FBXL19: variants seen among roughly 807,000 people sequenced by gnomAD.
The protein encoded by FBXL19 is F-box and leucine rich repeat protein 19, also known as F-box/LRR-repeat protein 19.
A neutral mutation model predicts 71.2 loss-of-function variants in FBXL19; 16 were observed. The ratio of observed to expected loss-of-function variants is 0.22; its 90% CI spans 0.15 to 0.34. The LOEUF is 0.34. Among genes scored for constraint, FBXL19 ranks in the 10% least tolerant of loss-of-function variants. The pLI, the probability that FBXL19 is intolerant of heterozygous loss-of-function variation, is 1.00. For missense variants in FBXL19, 658 were observed against 968.2 expected, an observed-to-expected ratio of 0.68 and a Z score of 4.25; for synonymous variants, 447 against 409.4, an observed-to-expected ratio of 1.09 and a Z score of -1.11.
At chr16:30,926,051 C>T in intron 2 of FBXL19, 120 bp downstream of exon 2, 4 of 1,333,356 alleles carry the variant, frequency 3.0e-6, no homozygotes, top group Non-Finnish European at 2.9e-6. Flanking sequence ...TTCATTTCTT[C>T]CCTTCATTCA....
At chr16:30,939,100 C>G (rs528438675) in intron 7 of FBXL19, among the ~76,000 whole-genome samples, 1 of 152,094 alleles carries the variant, frequency 6.6e-6, no homozygotes, top group East Asian at 1.9e-4. Flanking sequence ...GAGACAGAGT[C>G]TCGCTCTGTC....
chr16:30,928,087 G>A (rs2055620124), intron 5 of FBXL19, 124 bp downstream of exon 5: 3 of 667,970 alleles, frequency 4.5e-6, no homozygotes, highest in Admixed American at 6.8e-5. Flanking sequence ...GGACTGTTGG[G>A]AGATGTAGTT....
At chr16:30,939,052 G>GT (rs2055769504) in intron 7 of FBXL19, among the ~76,000 whole-genome samples, 1 of 151,882 alleles carries the variant, frequency 6.6e-6, no homozygotes, top group South Asian at 2.1e-4. Context: ...AATAACTCTG[G>GT]TCTTTTTTGT....
rs1015268692 is a variant in FBXL19 at position 30,947,916 on chromosome 16, G to C, written c.*686G>C. 1 of 453,872 alleles carries C rather than the reference G, an allele frequency of 2.2e-6. No homozygotes were observed. Among genetic ancestry groups the C allele is most frequent in the Non-Finnish European group, 4.4e-6 (1 of 225,622 alleles). The allele number at this position is 453,872 out of a possible 1,614,324, so 28.1% of individuals were successfully genotyped here. ...GAAAACGGCAGCTATTGCAAGGAGTGGGGGCCGCGGGCAGCCGCTCTTCAG... is the reference window on the plus strand; with the variant it reads ...GAAAACGGCAGCTATTGCAAGGAGTCGGGGCCGCGGGCAGCCGCTCTTCAG... On this transcript the variant is annotated 3_prime_UTR_variant, in exon 11 of 11. Transcript: ENST00000338343.
chr16:30,927,847 C>G lies in FBXL19; in HGVS notation c.511C>G (p.Pro171Ala). 1 of 1,542,980 alleles carries G rather than the reference C, an allele frequency of 6.5e-7. No individual in the cohort carries two copies. The highest frequency in any genetic ancestry group is 8.7e-7 in the Non-Finnish European group (1 of 1,144,896). The stretch of plus-strand genomic sequence containing the variant: ...GACAGAGGAGCCACCGCTTCCACCG[C>G]CCCCGCCCAGGCGCAAGGGCCCCCT... The part of the protein sequence containing the change: ...KLTEEPPLPP[P>A]PPRRKGPLPA... The change falls in exon 5 of 11, where the codon CCC (proline) becomes GCC (alanine). Residue 171 changes from proline to alanine, a missense_variant. Physicochemically the swap from Pro to Ala is conservative, Grantham distance 27 (BLOSUM62 -1). This residue lies in a region of FBXL19 where 447 missense variants were observed against 515.4 expected (regional missense o/e 0.87). Transcript: ENST00000338343.
chr16:30,941,496 C>T (rs552638496), intron 7 of FBXL19, among the ~76,000 whole-genome samples: 1 of 152,204 alleles, frequency 6.6e-6, no homozygotes, highest in Admixed American at 6.5e-5. Flanking sequence ...AAGTGGAAAA[C>T]GCAAATCTGC....
At chr16:30,934,221 A>G (rs988382542) in intron 7 of FBXL19, among the ~76,000 whole-genome samples, 50 of 151,744 alleles carry the variant, frequency 3.3e-4, no homozygotes, top group Non-Finnish European at 1.5e-5. Context: ...AAATTTAGCC[A>G]GGCATGGTGG....
chr16:30,933,248 C>T (rs1186385250), intron 7 of FBXL19, among the ~76,000 whole-genome samples: 1 of 152,174 alleles, frequency 6.6e-6, no homozygotes, highest in Non-Finnish European at 1.5e-5. Context: ...GGTGATTCGC[C>T]TGCCTCAGCC....
intron 5 of FBXL19, 147 bp downstream of exon 5, chr16:30,928,110 G>T (rs1461014999): frequency 3.2e-6 from 2 of 616,380 alleles, no homozygotes; most frequent in South Asian, 2.3e-5. Context: ...GGAGTTGGGT[G>T]GGGGGAGGAT....
chr16:30,925,763 G>T lies in FBXL19; in HGVS notation c.9G>T (p.Ser3=), dbSNP rs946818939. 6.1e-6 allele frequency: 9 copies of T among 1,483,594 alleles called. No individual in the cohort carries two copies. Among genetic ancestry groups the T allele is most frequent in the Non-Finnish European group, 8.0e-6 (9 of 1,122,556 alleles). The allele number at this position is 1,483,594 out of a possible 1,614,324, so 91.9% of individuals were successfully genotyped here. A position where few individuals can be genotyped will look rare whatever the true frequency, so the allele number is the denominator to read the frequency against. MS[S]SSRGPGAGAR... is the part of the protein sequence containing the mutation. ...CGTTGCTGACGCCCCCAATGTCGTC[G>T]AGCAGCCGGGGGCCGGGGGCCGGAG... The change falls in exon 2 of 11, where the codon TCG becomes TCT. Residue 3 remains serine, a synonymous_variant. Coordinates refer to ENST00000338343, the MANE Select transcript of FBXL19 (RefSeq NM_001382779.1). The surrounding 1 kb of genome is among the most constrained non-coding windows in gnomAD (Gnocchi z 5.0).
At chr16:30,928,905 C>T (rs1285245310) in intron 6 of FBXL19, among the ~76,000 whole-genome samples, 1 of 152,156 alleles carries the variant, frequency 6.6e-6, no homozygotes, top group Non-Finnish European at 1.5e-5. Flanking sequence ...AATTTCTGTC[C>T]GACCGTTTAC....
intron 9 of FBXL19, among the ~76,000 whole-genome samples, chr16:30,944,169 CTTTTTTTTTT>C (rs761103868): frequency 4.8e-5 from 3 of 62,936 alleles, no homozygotes; most frequent in African/African-American, 1.3e-4. Flanking sequence ...GAAGGTGGGC[CTTTTTTTTTT>C]TTTTTTTTTT....
intron 9 of FBXL19, among the ~76,000 whole-genome samples, chr16:30,943,415 C>G (rs1427540480): frequency 3.5e-5 from 5 of 140,998 alleles, no homozygotes; most frequent in Admixed American, 1.5e-4. Flanking sequence ...TGCTCTGTCG[C>G]CCAGGCTGGA....
chr16:30,928,358 G>T, intron 5 of FBXL19, 109 bp from the exon 6 acceptor site: 1 of 1,195,756 alleles, frequency 8.4e-7, no homozygotes, highest in Non-Finnish European at 1.1e-6. Context: ...CTGGGACGGG[G>T]GCTTCTGGGA....
chr16:30,929,829 C>G (rs967451533), intron 6 of FBXL19, among the ~76,000 whole-genome samples: 3 of 152,242 alleles, frequency 2.0e-5, no homozygotes, highest in African/African-American at 7.2e-5. Flanking sequence ...GCTGGGATTA[C>G]AGGCGTGAGC....
chr16:30,937,842 G>A (rs1428576142), intron 7 of FBXL19, among the ~76,000 whole-genome samples: 2 of 152,130 alleles, frequency 1.3e-5, no homozygotes, highest in East Asian at 3.9e-4. Context: ...CTTCCTTCCA[G>A]CTGTGGACCG....
chr16:30,927,687 G>T (rs1248060846), intron 4 of FBXL19, 28 bp downstream of exon 4: 7 of 1,559,892 alleles, frequency 4.5e-6, no homozygotes, highest in Non-Finnish European at 6.1e-6. Flanking sequence ...CTGAGCTGTG[G>T]GTAGGTGGGT....
In FBXL19 at chr16:30,936,233, CTG is replaced by C. The variant is rs1477361029; in HGVS notation, c.1301+5652_1301+5653del. ...TAGCTCACATCCTCAGCTCTGGGCTCTGTGACCATGATAGTCTATGGCCTGGC... is the reference window on the plus strand; with the variant it reads ...TAGCTCACATCCTCAGCTCTGGGCTCTGACCATGATAGTCTATGGCCTGGC... On this transcript the variant is annotated intron_variant, in intron 7 of 10. Transcript: ENST00000338343. 3.9e-5 allele frequency among the ~76,000 whole-genome samples: 6 copies of C among 152,196 alleles called. No individual in the cohort carries two copies. The East Asian group carries it at 1.2e-3, about 29-fold the overall frequency.
chr16:30,930,046 A>G lies in FBXL19; in HGVS notation c.790-27A>G, dbSNP rs368537998. The G allele has an allele frequency of 1.3e-6, 2 of 1,598,844 alleles. No homozygotes were observed. Among genetic ancestry groups the G allele is most frequent in the African/African-American group, 2.7e-5 (2 of 74,546 alleles). ...TGGGAAAATGTATCCCAGGCCCTAG[A>G]ACAGCATCAACCCTGTCTCCCTGCA... On this transcript the variant is annotated intron_variant, in intron 6 of 10. Coordinates refer to ENST00000338343, the MANE Select transcript of FBXL19 (RefSeq NM_001382779.1). The surrounding 1 kb of genome is among the most constrained non-coding windows in gnomAD (Gnocchi z 8.5).
Sources: allele counts gnomAD v4.1 joint callset (sites outside exome capture counted in the v4.1 genomes callset), GRCh38; gene constraint gnomAD v4.1.1; regional missense constraint gnomAD v4.1.1; non-coding constraint Gnocchi (gnomAD v3.1); transcripts MANE v1.5; gene names NCBI Gene and HGNC (gene_info 2026-07-23, HGNC 2026-07-21).